CSMD1: variants seen among roughly 807,000 people sequenced by gnomAD.
CSMD1 encodes CUB and Sushi multiple domains 1, also known as CUB and sushi domain-containing protein 1.
Under a neutral mutation model 417.5 loss-of-function variants are expected in CSMD1, and 213 were observed. The observed-to-expected ratio is 0.51, with a 90% CI of 0.46 to 0.57. The LOEUF is 0.57. Among genes scored for constraint, CSMD1 ranks in the 20% least tolerant of loss-of-function variants. The pLI is 0.00. For synonymous variants in CSMD1, 2,862 were observed against 1,736.8 expected (o/e 1.65, Z -16.11); for missense variants, 6,923 against 4,529.7 (o/e 1.53, Z -15.17).
chr8:3,684,266 C>T (rs989524278), intron 7 of CSMD1, among the ~76,000 whole-genome samples: 58 of 135,138 alleles, frequency 4.3e-4, no homozygotes, highest in African/African-American at 1.5e-3. Flanking sequence ...AAATATATAG[C>T]TATATGTTAT....
intron 3 of CSMD1, among the ~76,000 whole-genome samples, chr8:4,312,150 C>G (rs1474829831): frequency 6.6e-6 from 1 of 151,890 alleles, no homozygotes. Context: ...TATCTTTACA[C>G]ACGCTTCCTA....
intron 2 of CSMD1, among the ~76,000 whole-genome samples, chr8:4,451,803 A>G (rs1230163127): frequency 2.0e-5 from 3 of 152,102 alleles, no homozygotes; most frequent in East Asian, 1.9e-4. Context: ...ATGCCATCTT[A>G]AAGGATGGGC....
chr8:4,556,178 T>C (rs923777266), intron 2 of CSMD1, among the ~76,000 whole-genome samples: 6 of 152,206 alleles, frequency 3.9e-5, no homozygotes, highest in African/African-American at 1.2e-4. Flanking sequence ...TTAATTCTTT[T>C]GAATTTACGA....
At chr8:3,258,016 G>A (rs1800787452) in intron 26 of CSMD1, among the ~76,000 whole-genome samples, 1 of 152,172 alleles carries the variant, frequency 6.6e-6, no homozygotes, top group Non-Finnish European at 1.5e-5. Flanking sequence ...GGAGATTGGA[G>A]GAGACTCAGC....
chr8:3,882,335 A>C (rs1434206054), intron 5 of CSMD1, among the ~76,000 whole-genome samples: 1 of 152,238 alleles, frequency 6.6e-6, no homozygotes, highest in African/African-American at 2.4e-5. Flanking sequence ...AATTCAAATA[A>C]AATCTCGACG....
intron 3 of CSMD1, among the ~76,000 whole-genome samples, chr8:4,078,415 C>T (rs967910383): frequency 2.4e-4 from 36 of 149,260 alleles, no homozygotes; most frequent in African/African-American, 8.4e-4. Flanking sequence ...CCCGGGTTCA[C>T]GCCATTCTCC....
rs116601326 is a variant in CSMD1, at chr8:4,092,251, C to A, written c.416-60152G>T. 5.3e-3 allele frequency among the ~76,000 whole-genome samples: 802 copies of A among 152,214 alleles called. 6 individuals are homozygous for A. The highest frequency in any genetic ancestry group is 0.018 in the African/African-American group (758 of 41,534). ...AGAAAAGGAAGACAAACAGGCAAAA[C>A]CTCCATTAATTTGTTCCAACCAACT... On this transcript the variant is annotated intron_variant, in intron 3 of 69. Transcript: ENST00000635120.
At position 3,367,126 on chromosome 8, in the gene CSMD1, C is replaced by G. The variant is rs775383378; in HGVS notation, c.3021G>C (p.Thr1007=). The G allele has an allele frequency of 3.7e-6, 6 of 1,613,722 alleles. No homozygotes were observed. Among genetic ancestry groups the G allele is most frequent in the Middle Eastern group, 3.3e-4 (2 of 6,062 alleles). Residue 1007 remains threonine, a synonymous_variant, in exon 20 of 70, where the codon ACG becomes ACC. Coordinates refer to ENST00000635120, the MANE Select transcript of CSMD1 (RefSeq NM_033225.6). ...ARLTGSVLPH[T]IKAGLFGNFT... ...AGTTTCCAAACAGGCCTGCCTTGAT[C>G]GTATGAGGCAACACCGACCCGGTGA...
At chr8:3,079,469 G>C (rs942390972) in intron 49 of CSMD1, among the ~76,000 whole-genome samples, 13 of 152,102 alleles carry the variant, frequency 8.5e-5, no homozygotes, top group Admixed American at 5.9e-4. Flanking sequence ...CAGAGGAGAA[G>C]ATTGATAATG....
intron 2 of CSMD1, among the ~76,000 whole-genome samples, chr8:4,430,599 A>G (rs1305014160): frequency 1.3e-5 from 2 of 152,146 alleles, no homozygotes; most frequent in African/African-American, 4.8e-5. Flanking sequence ...TGCATTCTAG[A>G]CAAGTTTGTC....
In CSMD1 at chr8:3,997,930, A is replaced by T; in HGVS notation, c.791T>A (p.Ile264Asn). 6.2e-7 allele frequency: 1 copy of T among 1,612,430 alleles called. No homozygotes were observed. Among genetic ancestry groups the T allele is most frequent in the Non-Finnish European group, 8.5e-7 (1 of 1,179,280 alleles). ...QLEEGYDFLE[I>N]SGTEAPSIWL... ...TATGGATGGAGCTTCCGTGCCACTG[A>T]TCTCTAAGAAATCATATCCTTCTTC... Residue 264 changes from isoleucine to asparagine, a missense_variant, in exon 5 of 70, where the codon ATC becomes AAC. Coordinates refer to ENST00000635120, the MANE Select transcript of CSMD1 (RefSeq NM_033225.6).
chr8:4,813,181 G>C (rs905311631), intron 1 of CSMD1, among the ~76,000 whole-genome samples: 1 of 152,114 alleles, frequency 6.6e-6, no homozygotes, highest in Admixed American at 6.5e-5. Flanking sequence ...TACACTAAAC[G>C]AAATACTGCA....
At chr8:3,869,878 G>C (rs918887367) in intron 5 of CSMD1, among the ~76,000 whole-genome samples, 2 of 151,774 alleles carry the variant, frequency 1.3e-5, no homozygotes, top group African/African-American at 4.9e-5. Context: ...ATCTAATTTT[G>C]TATCAGTAGT....
chr8:4,056,574 G>A (rs952967428), intron 3 of CSMD1, among the ~76,000 whole-genome samples: 1 of 151,666 alleles, frequency 6.6e-6, no homozygotes, highest in African/African-American at 2.4e-5. Context: ...TAGGGTACAT[G>A]TGCACAATGT....
intron 12 of CSMD1, among the ~76,000 whole-genome samples, chr8:3,445,313 A>G (rs539177717): frequency 6.6e-6 from 1 of 152,274 alleles, no homozygotes; most frequent in Admixed American, 6.5e-5. Flanking sequence ...GGGTACTAAT[A>G]TATCCTGGGT....
At chr8:3,736,830 T>A (rs531873213) in intron 6 of CSMD1, among the ~76,000 whole-genome samples, 1 of 152,336 alleles carries the variant, frequency 6.6e-6, no homozygotes, top group East Asian at 1.9e-4. Context: ...GTGAGGCTGC[T>A]GGGATGTTAC....
intron 2 of CSMD1, among the ~76,000 whole-genome samples, chr8:4,542,856 C>G (rs1797457597): frequency 6.6e-6 from 1 of 151,898 alleles, no homozygotes; most frequent in Non-Finnish European, 1.5e-5. Context: ...AAGTTTTTTT[C>G]ACAGTATATT....
intron 3 of CSMD1, among the ~76,000 whole-genome samples, chr8:4,195,642 T>C (rs993272930): frequency 5.5e-4 from 84 of 152,292 alleles, no homozygotes; most frequent in African/African-American, 1.7e-3. Flanking sequence ...GATGGAGTTA[T>C]CGATGCTCCT....
chr8:4,906,838 G>A (rs1805314312), intron 1 of CSMD1, among the ~76,000 whole-genome samples: 2 of 152,174 alleles, frequency 1.3e-5, no homozygotes, highest in South Asian at 2.1e-4. Context: ...GATTACAGGC[G>A]TGAGCCGCTG....
Sources: allele counts gnomAD v4.1 joint callset (sites outside exome capture counted in the v4.1 genomes callset), GRCh38; gene constraint gnomAD v4.1.1; transcripts MANE v1.5; gene names NCBI Gene and HGNC (gene_info 2026-07-23, HGNC 2026-07-21).